Variants in HECW1 observed in about 807,000 individuals in gnomAD.
HECW1 encodes the protein HECT, C2 and WW domain containing E3 ubiquitin protein ligase 1, also known as E3 ubiquitin-protein ligase HECW1.
HECW1 carries 61 observed loss-of-function variants against 182.3 expected under a neutral mutation model. The ratio of observed to expected loss-of-function variants is 0.33; its 90% CI spans 0.27 to 0.41. The LOEUF is 0.41. HECW1 is among the 10% of genes least tolerant of loss of function. The pLI is 1.00. For missense variants in HECW1, 1,739 were observed against 2,108.9 expected (o/e 0.82, Z 3.44); for synonymous variants, 859 against 832.6 (o/e 1.03, Z -0.55).
intron 19 of HECW1, 115 bp from the exon 20 acceptor site, chr7:43,500,584 G>C (rs895182167): frequency 1.2e-6 from 1 of 854,398 alleles, no homozygotes; most frequent in African/African-American, 1.7e-5. Context: ...TACATAGGAC[G>C]TTAGGACATT....
At chr7:43,252,516 G>A (rs944886115) in intron 3 of HECW1, among the ~76,000 whole-genome samples, 4 of 152,230 alleles carry the variant, frequency 2.6e-5, no homozygotes, top group African/African-American at 7.2e-5. Flanking sequence ...CATTTAAGTT[G>A]GGAACACCCT....
intron 17 of HECW1, among the ~76,000 whole-genome samples, chr7:43,488,357 AGG>A (rs1352223160): frequency 2.4e-5 from 3 of 124,794 alleles, no homozygotes; most frequent in South Asian, 2.9e-4. Flanking sequence ...GAAGGAAGGA[AGG>A]AAGGAAGGAA....
At chr7:43,414,925 G>C (rs1446126159) in intron 8 of HECW1, among the ~76,000 whole-genome samples, 2 of 151,886 alleles carry the variant, frequency 1.3e-5, no homozygotes, top group Admixed American at 1.3e-4. Flanking sequence ...CTCTTTTTTG[G>C]TTGTGTCTCT....
chr7:43,295,846 A>G (rs1316414913), intron 3 of HECW1, among the ~76,000 whole-genome samples: 1 of 152,224 alleles, frequency 6.6e-6, no homozygotes, highest in Non-Finnish European at 1.5e-5. Context: ...AGAAAGATGC[A>G]ATAAACTGTT....
intron 2 of HECW1, among the ~76,000 whole-genome samples, chr7:43,126,179 G>C (rs866892913): frequency 5.6e-5 from 8 of 142,168 alleles, no homozygotes; most frequent in Non-Finnish European, 1.2e-4. Flanking sequence ...CTTAGGGATT[G>C]CTCCTTCCCT....
In HECW1 at chr7:43,363,741, G is replaced by A. The variant is rs536367516; in HGVS notation, c.555+2761G>A. ...GGAGGAGCCCCCTTTGTTTGATGGC[G>A]TGGCACACTTTTCAAAGCTGTTTAT... On this transcript the variant is annotated intron_variant, in intron 6 of 29. Coordinates refer to ENST00000395891, the MANE Select transcript of HECW1 (RefSeq NM_015052.5). Among the ~76,000 whole-genome samples, 16 of 152,264 alleles carry A rather than the reference G, an allele frequency of 1.1e-4. No individual in the cohort carries two copies. In the East Asian group the frequency reaches 2.5e-3, roughly 24 times the overall value.
In HECW1 at chr7:43,355,030, G is replaced by GAA. The variant is rs71562093; in HGVS notation, c.461-5844_461-5843dup. Among the ~76,000 whole-genome samples the GAA allele has an allele frequency of 3.0e-3, 421 of 142,512 alleles. 3 individuals carry two copies. The highest frequency in any genetic ancestry group is 7.0e-3 in the African/African-American group (275 of 39,314). The allele number at this position is 142,512 out of a possible 152,430, so 93.5% of individuals were successfully genotyped here. ...GATGACATGTTCCAAGTGCTGAAAG[G>GAA]AAAAAAAAAAAAACTGCCTCCCAGG... On this transcript the variant is annotated intron_variant, in intron 5 of 29. Transcript: ENST00000395891.
At chr7:43,173,845 G>T (rs1791935288) in intron 2 of HECW1, among the ~76,000 whole-genome samples, 1 of 133,986 alleles carries the variant, frequency 7.5e-6, no homozygotes, top group Admixed American at 7.6e-5. Flanking sequence ...TGTTTTAAAT[G>T]ATTTTTTTTT....
chr7:43,500,569 C>T, intron 19 of HECW1, 130 bp from the exon 20 acceptor site: 1 of 759,274 alleles, frequency 1.3e-6, no homozygotes. Flanking sequence ...TAGAATTCTG[C>T]AAAATACATA....
rs1283396293 is a variant in HECW1, at chr7:43,114,125, TC to T, written c.-266-28del. On this transcript the variant is annotated intron_variant, in intron 1 of 29. Coordinates refer to ENST00000395891, the MANE Select transcript of HECW1 (RefSeq NM_015052.5). The stretch of plus-strand genomic sequence containing the variant: ...CTTGGAATCTGCAGTGGTGCAATTC[TC>T]CCCTTGTTTTCCCCCCTTCTCTTTG... The T allele has an allele frequency of 2.1e-4, 144 of 673,936 alleles. 4 individuals are homozygous for T. In the South Asian group the frequency reaches 2.7e-3, roughly 12 times the overall value. 41.7% of individuals were successfully genotyped at this position (673,936 alleles called of 1,614,324 possible). A position where few individuals can be genotyped will look rare whatever the true frequency, so the allele number is the denominator to read the frequency against.
intron 2 of HECW1, among the ~76,000 whole-genome samples, chr7:43,159,105 GTTTA>G (rs141662347): frequency 0.062 from 9,305 of 150,708 alleles, 460 homozygotes; most frequent in African/African-American, 0.15. Flanking sequence ...GAATCTGACA[GTTTA>G]TTTATTTATT....
At chr7:43,466,289 T>G (rs114937366) in intron 14 of HECW1, among the ~76,000 whole-genome samples, 158 bp from the exon 15 acceptor site, 1,715 of 152,294 alleles carry the variant, frequency 0.011, 31 homozygotes, top group African/African-American at 0.039. Flanking sequence ...GAAATGATGA[T>G]TCTTAACTGA....
At chr7:43,196,864 A>G (rs2152686671) in intron 2 of HECW1, among the ~76,000 whole-genome samples, 1 of 152,346 alleles carries the variant, frequency 6.6e-6, no homozygotes, top group African/African-American at 2.4e-5. Context: ...GAAAGTGAGA[A>G]AAAATTAAAC....
At chr7:43,119,928 T>C (rs147939424) in intron 2 of HECW1, among the ~76,000 whole-genome samples, 1 of 152,346 alleles carries the variant, frequency 6.6e-6, no homozygotes, top group East Asian at 1.9e-4. Flanking sequence ...ATCTGCAGTC[T>C]GTTCCCTATA....
At chr7:43,380,977 G>A (rs141136110) in intron 6 of HECW1, among the ~76,000 whole-genome samples, 3 of 152,340 alleles carry the variant, frequency 2.0e-5, no homozygotes, top group East Asian at 1.9e-4. Flanking sequence ...GAGAGCTCCA[G>A]TTGTTCCACA....
chr7:43,503,235 C>T (rs987269154), intron 21 of HECW1, among the ~76,000 whole-genome samples: 5 of 152,126 alleles, frequency 3.3e-5, no homozygotes, highest in Admixed American at 6.5e-5. Context: ...TTGCTGGAGC[C>T]GACATCAATA....
Position 43,163,323 on chromosome 7 carries a change from A to C in HECW1, c.-32+48932A>C, listed in dbSNP as rs560457464. The C allele has an allele frequency of 1.0e-3, 158 of 152,408 alleles. 1 individual carries two copies. Among genetic ancestry groups the C allele is most frequent in the African/African-American group, 3.6e-3 (151 of 41,598 alleles). 9.4% of individuals were successfully genotyped at this position (152,408 alleles called of 1,614,324 possible). A position where few individuals can be genotyped will look rare whatever the true frequency, so the allele number is the denominator to read the frequency against. On this transcript the variant is annotated intron_variant, in intron 2 of 29. Transcript: ENST00000395891. ...GTTGGATTGCGAACCATATATGGAA[A>C]GGACACCATGTTGATCAGTGTGCAT...
intron 5 of HECW1, 145 bp downstream of exon 5, chr7:43,320,887 G>C: frequency 1.5e-6 from 1 of 678,664 alleles, no homozygotes; most frequent in Admixed American, 2.3e-5. Flanking sequence ...TCCTTAAAAA[G>C]ATGTTCAGTA....
chr7:43,325,854 T>A (rs1810701249), intron 5 of HECW1, among the ~76,000 whole-genome samples: 1 of 152,208 alleles, frequency 6.6e-6, no homozygotes, highest in Non-Finnish European at 1.5e-5. Flanking sequence ...TGCTGCACGC[T>A]GTGGTCTCAT....
Sources: allele counts gnomAD v4.1 joint callset (sites outside exome capture counted in the v4.1 genomes callset), GRCh38; gene constraint gnomAD v4.1.1; transcripts MANE v1.5; gene names NCBI Gene and HGNC (gene_info 2026-07-23, HGNC 2026-07-21).